PRSS12: variants seen among roughly 807,000 people sequenced by gnomAD.
PRSS12 encodes neurotrypsin.
A neutral mutation model predicts 104.4 loss-of-function variants in PRSS12; 85 were observed. The ratio of observed to expected loss-of-function variants is 0.81; its 90% CI spans 0.68 to 0.98. PRSS12 has a LOEUF of 0.98. PRSS12 is among the 50% of genes least tolerant of loss of function. PRSS12 has a pLI of 0.00. For synonymous variants in PRSS12, 454 were observed against 425.2 expected (o/e 1.07, Z -0.83); for missense variants, 1,141 against 1,139.2 (o/e 1.00, Z -0.02).
At chr4:118,308,660 G>T in intron 7 of PRSS12, 83 bp from the exon 8 acceptor site, 2 of 1,538,852 alleles carry the variant, frequency 1.3e-6, no homozygotes, top group Non-Finnish European at 9.0e-7. Context: ...AAACACAATT[G>T]TTCTTTTTAA....
chr4:118,350,672 C>T (rs527240063), intron 1 of PRSS12, among the ~76,000 whole-genome samples: 8 of 152,248 alleles, frequency 5.3e-5, no homozygotes, highest in Admixed American at 5.2e-4. Flanking sequence ...TTCTAGTCAA[C>T]TGAAGAAGGT....
At chr4:118,325,679 C>A (rs1266454369) in intron 4 of PRSS12, among the ~76,000 whole-genome samples, 1 of 152,006 alleles carries the variant, frequency 6.6e-6, no homozygotes, top group African/African-American at 2.4e-5. Context: ...CTGAGGAAAT[C>A]AACAAAAACT....
chr4:118,292,887 C>T (rs1379265661), intron 11 of PRSS12, among the ~76,000 whole-genome samples: 2 of 152,058 alleles, frequency 1.3e-5, no homozygotes, highest in African/African-American at 4.8e-5. Context: ...TGGTGACGCA[C>T]ACCTGTAATC....
At chr4:118,306,796 ACG>A (rs1278032048) in intron 8 of PRSS12, among the ~76,000 whole-genome samples, 4 of 152,146 alleles carry the variant, frequency 2.6e-5, no homozygotes, top group African/African-American at 9.7e-5. Context: ...GTAATAACAC[ACG>A]ACTACATGTG....
intron 11 of PRSS12, among the ~76,000 whole-genome samples, chr4:118,294,377 T>C (rs1743202922): frequency 6.6e-6 from 1 of 152,188 alleles, no homozygotes; most frequent in South Asian, 2.1e-4. Context: ...CTGCAGGATC[T>C]GCCACCATGA....
chr4:118,331,630 G>T, intron 4 of PRSS12, 86 bp downstream of exon 4: 1 of 1,546,324 alleles, frequency 6.5e-7, no homozygotes, highest in Non-Finnish European at 8.9e-7. Flanking sequence ...AAGGAAATGT[G>T]CAATTTAAAC....
chr4:118,293,119 T>C (rs2126027719), intron 11 of PRSS12, among the ~76,000 whole-genome samples: 1 of 151,748 alleles, frequency 6.6e-6, no homozygotes, highest in South Asian at 2.1e-4. Flanking sequence ...AGTACAAAAA[T>C]GGAAGAAAAC....
At chr4:118,284,057 AAAG>A (rs1442897012) in intron 11 of PRSS12, among the ~76,000 whole-genome samples, 1 of 152,168 alleles carries the variant, frequency 6.6e-6, no homozygotes, top group African/African-American at 2.4e-5. Context: ...CCATCATACT[AAAG>A]TATGATGATT....
Position 118,281,989 on chromosome 4 carries a change from A to G in PRSS12, c.2575T>C (p.Tyr859His). ...GCGVKDSPGV[Y>H]TKVSAFVPWI... is the part of the protein sequence containing the mutation. The stretch of plus-strand genomic sequence containing the variant: ...GGTACAAAGGCTGAGACTTTGGTAT[A>G]AACACCAGGAGAATCCTTGACTCCA... Residue 859 changes from tyrosine (Y) to histidine (H), a missense_variant, in exon 13 of 13, where the codon TAT becomes CAT. Physicochemically the swap from Tyr to His is moderately conservative, Grantham distance 83. Transcript: ENST00000296498. 6.4e-7 allele frequency: 1 copy of G among 1,560,390 alleles called. No homozygotes were observed.
intron 8 of PRSS12, among the ~76,000 whole-genome samples, chr4:118,305,038 G>A (rs1380637113): frequency 6.7e-6 from 1 of 150,314 alleles, no homozygotes; most frequent in Non-Finnish European, 1.5e-5. Context: ...AAGATTTTTT[G>A]TGATTCAAAA....
chr4:118,289,259 A>G (rs772912764), intron 11 of PRSS12, among the ~76,000 whole-genome samples: 4 of 152,226 alleles, frequency 2.6e-5, no homozygotes, highest in Non-Finnish European at 5.9e-5. Flanking sequence ...TAAATAACAC[A>G]AATGGTAATA....
At chr4:118,282,304 T>TA in intron 12 of PRSS12, 61 bp from the exon 13 acceptor site, 2 of 1,587,822 alleles carry the variant, frequency 1.3e-6, no homozygotes, top group Non-Finnish European at 1.7e-6. Flanking sequence ...ATTTAACAGT[T>TA]ACTGAGCATG....
Position 118,295,080 on chromosome 4 carries a change from ACAC to A in PRSS12, c.1917-22_1917-20del. 1.2e-6 allele frequency: 2 copies of A among 1,613,428 alleles called. No homozygotes were observed. The highest frequency in any genetic ancestry group is 8.5e-7 in the Non-Finnish European group (1 of 1,179,864). ...ACCACCCCTAAGAAGAAAATGAGCT[ACAC>A]ATCAACGTCAGTAAAAGGCAAAAAA... On this transcript the variant is annotated intron_variant, in intron 10 of 12. Coordinates refer to ENST00000296498, the MANE Select transcript of PRSS12 (RefSeq NM_003619.4).
Position 118,335,631 on chromosome 4 carries a change from T to C in PRSS12, c.662A>G (p.Gln221Arg). Reference sequence around the variant, plus strand: ...AAGGCCCAGTCCAGAAAACGGGGTTTGTTTTGCTATTCCTTTTCCTCTGGA... The same window carrying C: ...AAGGCCCAGTCCAGAAAACGGGGTTCGTTTTGCTATTCCTTTTCCTCTGGA... Reference protein sequence around the residue: ...LQLGGKGIAKQTPFSGLGLIP... With the variant: ...LQLGGKGIAKRTPFSGLGLIP... The change falls in exon 3 of 13, where the codon CAA becomes CGA. Residue 221 changes from glutamine (Q) to arginine (R), a missense_variant. By Grantham distance (43) the Gln-to-Arg change is conservative. Coordinates refer to ENST00000296498, the MANE Select transcript of PRSS12 (RefSeq NM_003619.4). 6.2e-7 allele frequency: 1 copy of C among 1,614,060 alleles called. No homozygotes were observed. The highest frequency in any genetic ancestry group is 1.1e-5 in the South Asian group (1 of 91,084).
intron 8 of PRSS12, among the ~76,000 whole-genome samples, chr4:118,302,577 C>A (rs1231538892): frequency 1.3e-5 from 2 of 152,172 alleles, no homozygotes; most frequent in Admixed American, 1.3e-4. Flanking sequence ...GAGGCATAAG[C>A]CACCACAGCT....
intron 4 of PRSS12, among the ~76,000 whole-genome samples, chr4:118,320,265 TACA>T (rs1361109641): frequency 6.6e-6 from 1 of 152,144 alleles, no homozygotes; most frequent in Non-Finnish European, 1.5e-5. Flanking sequence ...CTTGAGAATT[TACA>T]ACAAAAATAT....
In PRSS12 at chr4:118,352,327, C is replaced by A; in HGVS notation, c.394G>T (p.Gly132Ter). The A allele has an allele frequency of 6.3e-7, 1 of 1,590,702 alleles. No homozygotes were observed. The highest frequency in any genetic ancestry group is 8.5e-7 in the Non-Finnish European group (1 of 1,172,538). Residue 132 changes from glycine to a stop codon, truncating the protein, a stop_gained, in exon 1 of 13, where the codon GGA becomes TGA. Coordinates refer to ENST00000296498, the MANE Select transcript of PRSS12 (RefSeq NM_003619.4). LOFTEE classifies it high-confidence loss of function. ...SPPASWAQLR[G>*]QRHNFCRSPD... is the part of the protein sequence containing the mutation. ...CTCCGACAAAAGTTGTGGCGCTGTC[C>A]TCGCAGCTGAGCCCAGCTCGCTGGG...
intron 2 of PRSS12, 128 bp downstream of exon 2, chr4:118,338,048 T>C (rs1724105122): frequency 2.4e-6 from 3 of 1,243,798 alleles, no homozygotes; most frequent in Non-Finnish European, 3.4e-6. Flanking sequence ...ATAGCTCTTT[T>C]GTGAAAAGTG....
chr4:118,283,116 G>T lies in PRSS12; in HGVS notation c.2040-5C>A. The T allele has an allele frequency of 6.2e-7, 1 of 1,613,968 alleles. No individual in the cohort carries two copies. Among genetic ancestry groups the T allele is most frequent in the Non-Finnish European group, 8.5e-7 (1 of 1,179,904 alleles). On this transcript the variant is annotated splice_polypyrimidine_tract_variant and splice_region_variant and intron_variant, in intron 11 of 12. Coordinates refer to ENST00000296498, the MANE Select transcript of PRSS12 (RefSeq NM_003619.4). ...CTCCTAGTGCTGTTGCCATACCTGA[G>T]AGGCAGAGAGTACTAATGAGAGACT...
Sources: gnomAD v4.1 joint callset for allele counts (sites outside exome capture counted in the v4.1 genomes callset) on GRCh38, gnomAD v4.1.1 for gene constraint, MANE v1.5 for transcripts, NCBI Gene and HGNC (gene_info 2026-07-23, HGNC 2026-07-21) for gene names.